The following LUC7L variants were observed in gnomAD, a reference collection of about 807,000 sequenced individuals.
The protein encoded by LUC7L is LUC7 like.
Under a neutral mutation model 51.1 loss-of-function variants are expected in LUC7L, and 29 were observed. That is an observed-to-expected ratio of 0.57 (90% CI 0.42 to 0.77). The LOEUF (loss-of-function observed/expected upper bound fraction) is 0.77, where lower values mean the gene tolerates loss of function less well. Among genes scored for constraint, LUC7L ranks in the 30% least tolerant of loss-of-function variants. LUC7L has a pLI of 0.00. For missense variants in LUC7L, 403 were observed against 511.9 expected (o/e 0.79, Z 2.05); for synonymous variants, 181 against 180.7 (o/e 1.00, Z -0.01).
At chr16:193,427 G>A (rs1241985362) in intron 6 of LUC7L, among the ~76,000 whole-genome samples, 1 of 152,104 alleles carries the variant, frequency 6.6e-6, no homozygotes, top group Non-Finnish European at 1.5e-5. Context: ...TTACAGGCAT[G>A]AGCCACCGCG....
intron 9 of LUC7L, chr16:189,680 C>A: frequency 7.5e-7 from 1 of 1,336,324 alleles, no homozygotes; most frequent in African/African-American, 1.5e-5. Flanking sequence ...TAAGCAGGGC[C>A]TGGTCAGGAC....
intron 6 of LUC7L, among the ~76,000 whole-genome samples, chr16:194,751 A>G (rs1018035440): frequency 1.3e-5 from 2 of 152,172 alleles, no homozygotes; most frequent in African/African-American, 2.4e-5. Context: ...AGAAAGCAAT[A>G]TAAGGGGATG....
Position 206,021 on chromosome 16 carries a change from T to G in LUC7L, c.493A>C (p.Lys165Gln). The change falls in exon 5 of 10, where the codon AAG (lysine) becomes CAG (glutamine). Residue 165 changes from lysine (K) to glutamine (Q), a missense_variant. Around this residue, in one of 3 missense-constraint regions of LUC7L, gnomAD observed 182 missense variants for 248.4 expected, o/e 0.73. Transcript: ENST00000293872. ...TCACCAACCTCAGCTTCTTTTTTCT[T>G]CGCACGAACTTTTTCCACTTCCATA... is the stretch of plus-strand genomic sequence containing the variant. Reference protein sequence around the residue: ...ILMEVEKVRAKKKEAEEEYRN... With the variant: ...ILMEVEKVRAQKKEAEEEYRN... 3.7e-6 allele frequency: 6 copies of G among 1,612,180 alleles called. No homozygotes were observed. The highest frequency in any genetic ancestry group is 5.1e-6 in the Non-Finnish European group (6 of 1,179,624).
At chr16:194,334 T>C (rs566520171) in intron 6 of LUC7L, among the ~76,000 whole-genome samples, 1 of 152,034 alleles carries the variant, frequency 6.6e-6, no homozygotes, top group South Asian at 2.1e-4. Context: ...CTTGAACTCC[T>C]CAACTCAAGC....
chr16:227,419 T>C, intron 1 of LUC7L, 83 bp from the exon 2 acceptor site: 2 of 1,526,000 alleles, frequency 1.3e-6, no homozygotes, highest in Non-Finnish European at 1.8e-6. Context: ...TTCACCTGGA[T>C]GATTTGCAGA....
At chr16:201,242 T>TAAAAAAAAAA (rs764945208) in intron 5 of LUC7L, among the ~76,000 whole-genome samples, 2 of 78,508 alleles carry the variant, frequency 2.5e-5, no homozygotes, top group African/African-American at 1.0e-4. Context: ...GCTACATAAC[T>TAAAAAAAAAA]AAAAAAAAAA....
At chr16:189,474 C>A in intron 9 of LUC7L, 135 bp from the exon 10 acceptor site, 1 of 1,427,014 alleles carries the variant, frequency 7.0e-7, no homozygotes, top group Non-Finnish European at 9.1e-7. Flanking sequence ...CCCCGGAGGC[C>A]AACCAGACTT....
intron 6 of LUC7L, among the ~76,000 whole-genome samples, chr16:196,731 T>C (rs2049159341): frequency 1.3e-5 from 2 of 151,866 alleles, no homozygotes; most frequent in Admixed American, 1.3e-4. Context: ...TTTTGCTATG[T>C]TGGCCAGGCT....
chr16:205,771 T>A (rs1347244083), intron 5 of LUC7L, among the ~76,000 whole-genome samples: 1 of 152,156 alleles, frequency 6.6e-6, no homozygotes, highest in Non-Finnish European at 1.5e-5. Context: ...TTTGTATTTT[T>A]AGTAGAGACG....
chr16:204,502 G>A (rs569519427), intron 5 of LUC7L, among the ~76,000 whole-genome samples: 10 of 151,778 alleles, frequency 6.6e-5, no homozygotes, highest in Non-Finnish European at 1.5e-4. Flanking sequence ...GCTGAGGCAG[G>A]AGAATGGTGT....
chr16:191,106 G>A (rs1019891792), intron 7 of LUC7L, among the ~76,000 whole-genome samples: 3 of 152,134 alleles, frequency 2.0e-5, no homozygotes, highest in Non-Finnish European at 2.9e-5. Flanking sequence ...GCCCACATCC[G>A]AGCATCAGAC....
In LUC7L at chr16:199,164, G is replaced by A. The variant is rs373602174; in HGVS notation, c.585C>T (p.Ala195=). 5.6e-6 allele frequency: 9 copies of A among 1,612,950 alleles called. No individual in the cohort carries two copies. The Admixed American group carries it at 6.7e-5, about 12-fold the overall frequency. The change falls in exon 6 of 10, where the codon GCC becomes GCT. Residue 195 remains alanine, a synonymous_variant. Coordinates refer to ENST00000293872, the MANE Select transcript of LUC7L (RefSeq NM_201412.3). ...QKLRVCEVCS[A]YLGLHDNDRR... is the part of the protein sequence containing the mutation. ...GGTCATTGTCATGGAGACCAAGGTA[G>A]GCTGAACAGACCTCGCAGACACGCA...
intron 3 of LUC7L, among the ~76,000 whole-genome samples, chr16:212,583 G>C (rs1365016320): frequency 6.6e-6 from 1 of 152,094 alleles, no homozygotes. Context: ...CTGTAAGACA[G>C]GAAAACTACA....
At chr16:201,593 C>T (rs2049332152) in intron 5 of LUC7L, among the ~76,000 whole-genome samples, 1 of 152,096 alleles carries the variant, frequency 6.6e-6, no homozygotes, top group Non-Finnish European at 1.5e-5. Context: ...GCGCACGCCG[C>T]CACGCCCGGC....
At chr16:198,227 C>T (rs1350437807) in intron 6 of LUC7L, among the ~76,000 whole-genome samples, 3 of 138,644 alleles carry the variant, frequency 2.2e-5, no homozygotes, top group Non-Finnish European at 3.0e-5. Context: ...TGCAGTAAGC[C>T]GAGATTGGGC....
At chr16:199,721 G>A (rs1279344444) in intron 5 of LUC7L, among the ~76,000 whole-genome samples, 1 of 133,338 alleles carries the variant, frequency 7.5e-6, no homozygotes, top group Non-Finnish European at 1.6e-5. Context: ...CTGTTGAGCT[G>A]AGATCGCACA....
chr16:208,378 A>G (rs2049546094), intron 3 of LUC7L, 190 bp from the exon 4 acceptor site: 1 of 511,650 alleles, frequency 2.0e-6, no homozygotes, highest in Non-Finnish European at 3.4e-6. Context: ...TCTGTTAAAC[A>G]GAATGATTGT....
rs34083330 is a variant in LUC7L, at chr16:201,737, C to CTT, written c.511-2501_511-2500dup. Among the ~76,000 whole-genome samples the CTT allele has an allele frequency of 4.8e-3, 258 of 54,240 alleles. 1 individual carries two copies. The highest frequency in any genetic ancestry group is 0.015 in the Middle Eastern group (1 of 66). 35.6% of individuals were successfully genotyped at this position (54,240 alleles called of 152,430 possible). ...TACAGGCGTGAGCCACCGCACCAGG[C>CTT]TTTTTTTTTTTTTTTTTTTTTTTTG... On this transcript the variant is annotated intron_variant, in intron 5 of 9. Transcript: ENST00000293872.
intron 5 of LUC7L, among the ~76,000 whole-genome samples, chr16:200,297 G>A (rs994636880): frequency 5.3e-5 from 8 of 152,008 alleles, no homozygotes; most frequent in Non-Finnish European, 7.4e-5. Flanking sequence ...GGTGGCGGGC[G>A]CCTGTAGTCC....
Sources: allele counts gnomAD v4.1 joint callset (sites outside exome capture counted in the v4.1 genomes callset), GRCh38; gene constraint gnomAD v4.1.1; regional missense constraint gnomAD v4.1.1; transcripts MANE v1.5; gene names NCBI Gene and HGNC (gene_info 2026-07-23, HGNC 2026-07-21).